Variants in LARP1B observed in about 807,000 individuals in gnomAD.
The protein encoded by LARP1B is la-related protein 1B.
In LARP1B, 76 loss-of-function variants were observed where a neutral mutation model predicts 114.2. The observed-to-expected ratio is 0.67, with a 90% confidence interval of 0.55 to 0.81. The LOEUF is 0.81. Among genes scored for constraint, LARP1B ranks in the 30% least tolerant of loss-of-function variants. LARP1B has a pLI of 0.00. For synonymous variants in LARP1B, 345 were observed against 348.0 expected (o/e 0.99, Z 0.10); for missense variants, 1,014 against 1,075.8 (o/e 0.94, Z 0.80).
intron 12 of LARP1B, among the ~76,000 whole-genome samples, chr4:128,164,292 A>T (rs1312346867): frequency 5.3e-5 from 8 of 152,062 alleles, no homozygotes; most frequent in Non-Finnish European, 1.5e-5. Context: ...GCTTTCTTTA[A>T]AGTTCTTAGT....
intron 10 of LARP1B, among the ~76,000 whole-genome samples, 171 bp downstream of exon 10, chr4:128,114,913 A>G (rs1214102822): frequency 6.6e-6 from 1 of 152,166 alleles, no homozygotes; most frequent in Non-Finnish European, 1.5e-5. Flanking sequence ...TGAGGAAAAT[A>G]AGTTGTATCA....
At chr4:128,109,939 TG>T (rs200915955) in intron 9 of LARP1B, among the ~76,000 whole-genome samples, 3,619 of 151,272 alleles carry the variant, frequency 0.024, 125 homozygotes, top group African/African-American at 0.085. Context: ...AGCCTCACTC[TG>T]TCGCTCAGGC....
chr4:128,156,058 C>T, intron 11 of LARP1B: 1 of 1,588,294 alleles, frequency 6.3e-7, no homozygotes, highest in Non-Finnish European at 8.6e-7. Flanking sequence ...CATGACCACA[C>T]CCTCCCTAAC....
At position 128,121,864 on chromosome 4, in the gene LARP1B, A is replaced by G. The variant is rs375986054; in HGVS notation, c.1200A>G (p.Leu400=). 67 of 1,608,152 alleles carry G rather than the reference A, an allele frequency of 4.2e-5. No homozygotes were observed. In the Admixed American group the frequency reaches 4.2e-4, roughly 10 times the overall value. ...TCCCTGAAGGGTCATTAAATCAGCT[A>G]TGTTCTTCAGAAGAACCAGAACAAG... ...VSVPEGSLNQ[L]CSSEEPEQEE... The change falls in exon 11 of 20, where the codon CTA becomes CTG. Residue 400 remains leucine, a synonymous_variant. Transcript: ENST00000326639.
At chr4:128,155,479 G>T in intron 11 of LARP1B, 1 of 780,946 alleles carries the variant, frequency 1.3e-6, no homozygotes, top group Non-Finnish European at 2.3e-6. Context: ...AGTGCAGGCA[G>T]CCCAGCAGAA....
intron 7 of LARP1B, among the ~76,000 whole-genome samples, chr4:128,095,434 A>C (rs924401206): frequency 6.8e-6 from 1 of 146,734 alleles, no homozygotes; most frequent in Non-Finnish European, 1.5e-5. Context: ...GGTCGCAGTG[A>C]GCCGAGATCA....
intron 8 of LARP1B, among the ~76,000 whole-genome samples, chr4:128,099,748 G>A (rs1352966543): frequency 6.6e-6 from 1 of 151,670 alleles, no homozygotes; most frequent in Non-Finnish European, 1.5e-5. Context: ...ATATATTTCT[G>A]TTGGATAAAT....
chr4:128,063,427 C>CAAAAAA (rs763868048), intron 1 of LARP1B, among the ~76,000 whole-genome samples: 2 of 13,218 alleles, frequency 1.5e-4, no homozygotes, highest in African/African-American at 3.9e-4. Flanking sequence ...GACCCACTCT[C>CAAAAAA]AAAAAAAAAA....
chr4:128,116,544 G>C (rs1187031796), intron 10 of LARP1B, among the ~76,000 whole-genome samples: 1 of 152,138 alleles, frequency 6.6e-6, no homozygotes, highest in Admixed American at 6.5e-5. Context: ...AATTGGTTCT[G>C]GTAGCTGGTT....
At chr4:128,150,548 C>T (rs1394163117) in intron 11 of LARP1B, among the ~76,000 whole-genome samples, 1 of 151,986 alleles carries the variant, frequency 6.6e-6, no homozygotes, top group Non-Finnish European at 1.5e-5. Flanking sequence ...CCACATCAGC[C>T]TCCTGAAGAG....
downstream of LARP1B, among the ~76,000 whole-genome samples, chr4:128,213,720 ACTC>A (rs969202267): frequency 6.6e-6 from 1 of 152,176 alleles, no homozygotes; most frequent in African/African-American, 2.4e-5. Flanking sequence ...TGTTATTCAA[ACTC>A]CTCCTCCTCC....
chr4:128,162,418 A>G (rs1738909965), intron 12 of LARP1B, 101 bp downstream of exon 12: 3 of 1,035,884 alleles, frequency 2.9e-6, no homozygotes, highest in Non-Finnish European at 4.2e-6. Context: ...GTGGAAAATC[A>G]TTAGGTAAAT....
At position 128,110,676 on chromosome 4, in the gene LARP1B, CAAAAAA is replaced by C. The variant is rs544129662; in HGVS notation, c.988+3375_988+3380del. ...TGGGCGACAGAGCGAGACTCCGTCT[CAAAAAA>C]AAAAAAAAAAAGATGCAGCAGACCA... On this transcript the variant is annotated intron_variant, in intron 9 of 19. Coordinates refer to ENST00000326639, the MANE Select transcript of LARP1B (RefSeq NM_018078.4). Among the ~76,000 whole-genome samples the C allele has an allele frequency of 1.2e-4, 4 of 32,430 alleles. 2 individuals carry two copies. The highest frequency in any genetic ancestry group is 1.9e-4 in the Non-Finnish European group (4 of 21,452). The allele number at this position is 32,430 out of a possible 152,430, so 21.3% of individuals were successfully genotyped here.
intron 17 of LARP1B, among the ~76,000 whole-genome samples, chr4:128,205,521 A>T (rs1757326766): frequency 6.6e-6 from 1 of 152,240 alleles, no homozygotes; most frequent in Admixed American, 6.5e-5. Context: ...GACAGAAACA[A>T]GGAAATTTGT....
rs1393628836 is a variant in LARP1B, at chr4:128,114,740, A to C, written c.1159A>C (p.Arg387=). 1 of 1,613,844 alleles carries C rather than the reference A, an allele frequency of 6.2e-7. No homozygotes were observed. The highest frequency in any genetic ancestry group is 1.3e-5 in the African/African-American group (1 of 74,902). The change falls in exon 10 of 20, where the codon AGG becomes CGG. Residue 387 remains arginine (R), a splice_region_variant and synonymous_variant. Coordinates refer to ENST00000326639, the MANE Select transcript of LARP1B (RefSeq NM_018078.4). ...ACATCAGCCAGCCCCAGTGAAATTG[A>C]GGGTAAGTTGTTACAGACTGAGTGA... ...KRHQPAPVKL[R]ESVSVPEGSL...
chr4:128,156,291 C>A, intron 11 of LARP1B: 1 of 800,326 alleles, frequency 1.2e-6, no homozygotes. Context: ...TGGACAGTAT[C>A]CCATACCCAA....
chr4:128,130,647 CT>C (rs1245455018), intron 11 of LARP1B, among the ~76,000 whole-genome samples: 2 of 152,188 alleles, frequency 1.3e-5, no homozygotes, highest in Non-Finnish European at 2.9e-5. Flanking sequence ...TAAAACTGAA[CT>C]AAACTAAACT....
chr4:128,108,173 G>C lies in LARP1B; in HGVS notation c.988+860G>C. The C allele has an allele frequency of 4.1e-6, 5 of 1,233,468 alleles. No individual in the cohort carries two copies. The South Asian group carries it at 1.9e-4, about 48-fold the overall frequency. The allele number at this position is 1,233,468 out of a possible 1,614,324, so 76.4% of individuals were successfully genotyped here. ...CTGTGTAATTGGCCTGGGCTGCATGGGCTGCTTTTATTCATGGTGGGAAAG... is the reference window on the plus strand; with the variant it reads ...CTGTGTAATTGGCCTGGGCTGCATGCGCTGCTTTTATTCATGGTGGGAAAG... On this transcript the variant is annotated intron_variant, in intron 9 of 19. Transcript: ENST00000326639.
chr4:128,152,527 T>A (rs1251512651), intron 11 of LARP1B, among the ~76,000 whole-genome samples: 1 of 151,828 alleles, frequency 6.6e-6, no homozygotes, highest in Non-Finnish European at 1.5e-5. Flanking sequence ...ATTTATTTTT[T>A]ATTTTTTTAT....
Sources: gnomAD v4.1 joint callset for allele counts (sites outside exome capture counted in the v4.1 genomes callset) on GRCh38, gnomAD v4.1.1 for gene constraint, MANE v1.5 for transcripts, NCBI Gene and HGNC (gene_info 2026-07-23, HGNC 2026-07-21) for gene names.